IFT74: variants seen among roughly 807,000 people sequenced by gnomAD.
The protein encoded by IFT74 is intraflagellar transport protein 74 homolog.
Under a neutral mutation model 96.7 loss-of-function variants are expected in IFT74, and 92 were observed. That is an observed-to-expected ratio of 0.95 (90% CI 0.80 to 1.13). The LOEUF (loss-of-function observed/expected upper bound fraction) is 1.13, where lower values mean the gene tolerates loss of function less well. IFT74 is among the 50% of genes most tolerant of loss of function. IFT74 has a pLI of 0.00. For synonymous variants in IFT74, 223 were observed against 213.2 expected, an observed-to-expected ratio of 1.05 and a Z score of -0.40; for missense variants, 811 against 698.2, an observed-to-expected ratio of 1.16 and a Z score of -1.82.
At chr9:26,980,451 A>G in intron 3 of IFT74, 120 bp from the exon 4 acceptor site, 2 of 725,192 alleles carry the variant, frequency 2.8e-6, no homozygotes, top group Admixed American at 2.0e-5. Context: ...TTCTTGATTC[A>G]TTGGGGCATT....
At chr9:26,948,256 A>G (rs1044626813) in intron 1 of IFT74, among the ~76,000 whole-genome samples, 18 of 151,812 alleles carry the variant, frequency 1.2e-4, no homozygotes, top group Admixed American at 2.0e-4. Context: ...TCTTCTCCAA[A>G]CTCTAGATCT....
At chr9:26,974,071 G>A (rs932222126) in intron 2 of IFT74, among the ~76,000 whole-genome samples, 3 of 152,108 alleles carry the variant, frequency 2.0e-5, no homozygotes, top group Non-Finnish European at 4.4e-5. Context: ...TCTTTAGAGG[G>A]CCTAGGAAAT....
intron 3 of IFT74, among the ~76,000 whole-genome samples, chr9:26,979,950 A>T (rs1268020983): frequency 6.6e-6 from 1 of 151,854 alleles, no homozygotes; most frequent in East Asian, 1.9e-4. Flanking sequence ...TCTGACCTCA[A>T]GGGATCCTCC....
chr9:27,021,101 T>G (rs1829578113), intron 12 of IFT74, among the ~76,000 whole-genome samples: 1 of 152,148 alleles, frequency 6.6e-6, no homozygotes, highest in Non-Finnish European at 1.5e-5. Context: ...ATGCCATTAT[T>G]TTGTTCCTTT....
chr9:27,022,172 C>T (rs1829637633), intron 12 of IFT74, among the ~76,000 whole-genome samples: 1 of 152,116 alleles, frequency 6.6e-6, no homozygotes, highest in Non-Finnish European at 1.5e-5. Context: ...GTTCTCTATT[C>T]TGTGCCATTG....
chr9:26,955,485 A>G (rs1050993856), upstream of IFT74, among the ~76,000 whole-genome samples: 3 of 152,206 alleles, frequency 2.0e-5, no homozygotes, highest in African/African-American at 4.8e-5. Context: ...GAAAGCCAGT[A>G]TCTGTCACTT....
intron 13 of IFT74, chr9:27,036,755 G>A: frequency 8.4e-7 from 1 of 1,189,124 alleles, no homozygotes; most frequent in Non-Finnish European, 1.0e-6. Flanking sequence ...AGAGCGTAAA[G>A]TGCTGTCTCT....
intron 12 of IFT74, among the ~76,000 whole-genome samples, chr9:27,025,443 CA>C (rs57335230): frequency 0.26 from 20,223 of 77,746 alleles, 1,536 homozygotes; most frequent in East Asian, 0.55. Context: ...ACTCCATCTC[CA>C]AAAAAAAAAA....
intron 8 of IFT74, chr9:26,996,215 T>C: frequency 1.3e-6 from 1 of 799,488 alleles, no homozygotes; most frequent in Non-Finnish European, 1.8e-6. Context: ...AATCTTTCTT[T>C]TACATTTTTT....
intron 2 of IFT74, chr9:26,976,515 A>G: frequency 3.2e-6 from 1 of 310,916 alleles, no homozygotes; most frequent in Non-Finnish European, 6.3e-6. Flanking sequence ...TAAACATTTA[A>G]ACTTTCTTAG....
chr9:26,947,829 T>C (rs62546682), intron 1 of IFT74, among the ~76,000 whole-genome samples: 8,751 of 152,286 alleles, frequency 0.057, 325 homozygotes, highest in Middle Eastern at 0.15. Context: ...ACTACTTTTC[T>C]CTGGCGGCTT....
At chr9:27,028,813 C>T in intron 12 of IFT74, 1 of 386,048 alleles carries the variant, frequency 2.6e-6, no homozygotes, top group Non-Finnish European at 4.5e-6. Flanking sequence ...ATAGTATTGT[C>T]CTCATAATAG....
At chr9:26,975,005 G>C (rs1827047551) in intron 2 of IFT74, among the ~76,000 whole-genome samples, 1 of 152,178 alleles carries the variant, frequency 6.6e-6, no homozygotes, top group Non-Finnish European at 1.5e-5. Context: ...TCACGTTGAA[G>C]TCCTTTCAGG....
intron 2 of IFT74, among the ~76,000 whole-genome samples, chr9:26,967,825 G>C (rs78712979): frequency 0.014 from 2,074 of 152,228 alleles, 19 homozygotes; most frequent in Middle Eastern, 0.027. Flanking sequence ...GTCATCAAAT[G>C]CTTTTACAAT....
chr9:27,009,976 T>C (rs1387925513), intron 9 of IFT74, among the ~76,000 whole-genome samples: 1 of 152,032 alleles, frequency 6.6e-6, no homozygotes, highest in East Asian at 1.9e-4. Context: ...GAAACATTTT[T>C]TTTTTTTTAA....
At chr9:27,032,026 A>G (rs1830149285) in intron 13 of IFT74, among the ~76,000 whole-genome samples, 2 of 152,078 alleles carry the variant, frequency 1.3e-5, no homozygotes, top group Admixed American at 1.3e-4. Context: ...ACTCTTTACT[A>G]GTGTATTCCC....
chr9:27,027,173 G>T (rs906360757), intron 12 of IFT74, among the ~76,000 whole-genome samples: 9 of 151,980 alleles, frequency 5.9e-5, no homozygotes, highest in African/African-American at 2.2e-4. Flanking sequence ...AAAAGACCAA[G>T]CTTACAGTGA....
At chr9:27,017,122 G>A in intron 11 of IFT74, 72 bp downstream of exon 11, 1 of 1,235,730 alleles carries the variant, frequency 8.1e-7, no homozygotes, top group South Asian at 1.7e-5. Context: ...TTTTTTAAAG[G>A]GATATTAATG....
At chr9:26,951,575 G>A (rs1825935611), upstream of IFT74, among the ~76,000 whole-genome samples, 1 of 152,108 alleles carries the variant, frequency 6.6e-6, no homozygotes, top group Non-Finnish European at 1.5e-5. Context: ...AAAAAACAAA[G>A]TCCATATATA....
Sources: allele counts gnomAD v4.1 joint callset (sites outside exome capture counted in the v4.1 genomes callset), GRCh38; gene constraint gnomAD v4.1.1; transcripts MANE v1.5; gene names NCBI Gene and HGNC (gene_info 2026-07-23, HGNC 2026-07-21).